The following TC2N variants were observed in gnomAD, a reference collection of about 807,000 sequenced individuals.
TC2N encodes the protein tandem C2 domains nuclear protein.
TC2N carries 51 observed loss-of-function variants against 61.9 expected under a neutral mutation model. The ratio of observed to expected loss-of-function variants is 0.82; its 90% CI spans 0.66 to 1.04. The LOEUF is 1.04. Among genes scored for constraint, TC2N ranks in the 50% least tolerant of loss-of-function variants. The probability of loss-of-function intolerance (pLI) is 0.00; values close to 1 mark genes in which losing one functional copy is unlikely to be tolerated. For missense variants in TC2N, 556 were observed against 566.7 expected (o/e 0.98, Z 0.19); for synonymous variants, 204 against 192.6 (o/e 1.06, Z -0.49).
chr14:91,782,829 C>T lies in TC2N; in HGVS notation c.*271G>A. The T allele has an allele frequency of 3.0e-6, 1 of 335,290 alleles. No homozygotes were observed. Among genetic ancestry groups the T allele is most frequent in the Non-Finnish European group, 5.4e-6 (1 of 184,650 alleles). The allele number at this position is 335,290 out of a possible 1,614,324, so 20.8% of individuals were successfully genotyped here. On this transcript the variant is annotated 3_prime_UTR_variant, in exon 12 of 12. Coordinates refer to ENST00000435962, the MANE Select transcript of TC2N (RefSeq NM_001128596.3). ...TATCTATGGTTGATATTCTCACAGACTTTATAATTTATTTAGTCATCCTAA... is the reference window on the plus strand; with the variant it reads ...TATCTATGGTTGATATTCTCACAGATTTTATAATTTATTTAGTCATCCTAA...
At chr14:91,863,858 G>A (rs1464306958) in intron 1 of TC2N, among the ~76,000 whole-genome samples, 1 of 147,300 alleles carries the variant, frequency 6.8e-6, no homozygotes, top group Non-Finnish European at 1.5e-5. Context: ...AGCCTGACAT[G>A]TTGGCACGTA....
intron 1 of TC2N, among the ~76,000 whole-genome samples, chr14:91,858,444 G>A (rs1264728932): frequency 1.3e-5 from 2 of 152,112 alleles, no homozygotes; most frequent in African/African-American, 4.8e-5. Flanking sequence ...AACCAAAGAT[G>A]TCTAGACTTT....
intron 1 of TC2N, among the ~76,000 whole-genome samples, chr14:91,820,750 C>A (rs951381457): frequency 3.3e-5 from 5 of 151,174 alleles, no homozygotes; most frequent in African/African-American, 1.2e-4. Context: ...ACCAGAAGTT[C>A]ACTAAGGTTG....
intron 1 of TC2N, among the ~76,000 whole-genome samples, chr14:91,855,146 C>T (rs968078565): frequency 6.6e-5 from 10 of 152,122 alleles, no homozygotes; most frequent in African/African-American, 2.2e-4. Context: ...ACCAGTGGAA[C>T]GGCAGGGATG....
intron 1 of TC2N, among the ~76,000 whole-genome samples, chr14:91,863,321 T>C (rs1015408067): frequency 3.3e-5 from 5 of 152,148 alleles, no homozygotes; most frequent in African/African-American, 9.7e-5. Context: ...CAAAGTTTTA[T>C]AGTGGGAGAA....
chr14:91,792,744 C>A (rs1885722280), intron 8 of TC2N, among the ~76,000 whole-genome samples, 186 bp from the exon 9 acceptor site: 1 of 152,096 alleles, frequency 6.6e-6, no homozygotes, highest in Admixed American at 6.6e-5. Context: ...CTGGGTTCTA[C>A]CTTTCTTAAT....
intron 9 of TC2N, among the ~76,000 whole-genome samples, chr14:91,790,450 A>C (rs1885590694): frequency 6.6e-6 from 1 of 152,170 alleles, no homozygotes; most frequent in Non-Finnish European, 1.5e-5. Flanking sequence ...CACACTTATT[A>C]ACATAAACTC....
intron 1 of TC2N, among the ~76,000 whole-genome samples, chr14:91,828,296 T>G (rs932720314): frequency 5.9e-5 from 9 of 152,026 alleles, no homozygotes. Flanking sequence ...CAACTCATAG[T>G]CAAACTTTTT....
intron 3 of TC2N, among the ~76,000 whole-genome samples, chr14:91,803,896 G>A (rs1886381215): frequency 6.6e-6 from 1 of 152,180 alleles, no homozygotes; most frequent in Admixed American, 6.6e-5. Context: ...ATGCATCCAA[G>A]TACTAACCAG....
intron 1 of TC2N, among the ~76,000 whole-genome samples, chr14:91,848,979 T>C (rs1888322713): frequency 6.6e-6 from 1 of 152,218 alleles, no homozygotes. Flanking sequence ...TTAGTTTTAC[T>C]ACGTGGCTTT....
At chr14:91,853,062 C>T (rs1186342093) in intron 1 of TC2N, among the ~76,000 whole-genome samples, 2 of 152,160 alleles carry the variant, frequency 1.3e-5, no homozygotes, top group South Asian at 2.1e-4. Context: ...CAGAGAGAGA[C>T]TCCATCTAAA....
intron 3 of TC2N, among the ~76,000 whole-genome samples, chr14:91,802,630 A>C (rs899992919): frequency 6.6e-6 from 1 of 152,168 alleles, no homozygotes; most frequent in Non-Finnish European, 1.5e-5. Flanking sequence ...CATTTAAGAC[A>C]GTCTGGTATA....
intron 1 of TC2N, among the ~76,000 whole-genome samples, chr14:91,861,615 C>T (rs1888589653): frequency 6.6e-6 from 1 of 152,162 alleles, no homozygotes; most frequent in Admixed American, 6.5e-5. Context: ...AAAGGGGTCA[C>T]CAGCTCTTAT....
intron 1 of TC2N, among the ~76,000 whole-genome samples, chr14:91,842,813 C>A (rs1179459219): frequency 6.6e-6 from 1 of 152,192 alleles, no homozygotes; most frequent in Non-Finnish European, 1.5e-5. Context: ...TGTGGTTCCA[C>A]TTACTGGAGC....
chr14:91,829,891 A>G (rs543648645), intron 1 of TC2N, among the ~76,000 whole-genome samples: 1 of 152,320 alleles, frequency 6.6e-6, no homozygotes, highest in Non-Finnish European at 1.5e-5. Flanking sequence ...TCTAAAATGG[A>G]CAAAAGAATT....
At chr14:91,820,656 T>C (rs1887203217) in intron 1 of TC2N, among the ~76,000 whole-genome samples, 2 of 151,032 alleles carry the variant, frequency 1.3e-5, no homozygotes, top group African/African-American at 4.9e-5. Flanking sequence ...ATCTTGGAAA[T>C]CAAGAAGTAA....
At chr14:91,800,255 T>C in intron 5 of TC2N, 26 bp downstream of exon 5, 1 of 1,373,574 alleles carries the variant, frequency 7.3e-7, no homozygotes, top group Non-Finnish European at 1.0e-6. Flanking sequence ...TTATCACATA[T>C]AATTAAATTT....
At chr14:91,801,619 G>C (rs1031094683) in intron 4 of TC2N, among the ~76,000 whole-genome samples, 1 of 152,196 alleles carries the variant, frequency 6.6e-6, no homozygotes, top group South Asian at 2.1e-4. Context: ...ATGCTGCAGT[G>C]AGCTGAGATT....
chr14:91,863,772 C>A lies in TC2N; in HGVS notation c.-57+3490G>T, dbSNP rs10129607. Among the ~76,000 whole-genome samples, 37 of 147,130 alleles carry A rather than the reference C, an allele frequency of 2.5e-4. 1 individual carries two copies. The highest frequency in any genetic ancestry group is 7.6e-4 in the African/African-American group (30 of 39,536). Reference sequence around the variant, plus strand: ...AGGCCAAGGTGAAAGGATCACTTGACGCCAGGAGCTCAAGATCAGCCTGGG... The same window carrying A: ...AGGCCAAGGTGAAAGGATCACTTGAAGCCAGGAGCTCAAGATCAGCCTGGG... On this transcript the variant is annotated intron_variant, in intron 1 of 11. Coordinates refer to ENST00000435962, the MANE Select transcript of TC2N (RefSeq NM_001128596.3).
Sources: allele counts gnomAD v4.1 joint callset (sites outside exome capture counted in the v4.1 genomes callset), GRCh38; gene constraint gnomAD v4.1.1; transcripts MANE v1.5; gene names NCBI Gene and HGNC (gene_info 2026-07-23, HGNC 2026-07-21).